Variants in EXOC2 observed in about 807,000 individuals in gnomAD.
The protein encoded by EXOC2 is SEC5-like 1.
EXOC2 carries 70 observed loss-of-function variants against 131.8 expected under a neutral mutation model. The observed-to-expected ratio is 0.53, with a 90% CI of 0.44 to 0.65. The LOEUF (loss-of-function observed/expected upper bound fraction) is 0.65, where lower values mean the gene tolerates loss of function less well. EXOC2 is among the 30% of genes least tolerant of loss of function. The pLI is 0.00. For synonymous variants in EXOC2, 411 were observed against 398.4 expected (o/e 1.03, Z -0.38); for missense variants, 923 against 1,108.6 (o/e 0.83, Z 2.38).
chr6:499,782 C>G, intron 23 of EXOC2, 82 bp from the exon 24 acceptor site: 1 of 1,114,300 alleles, frequency 9.0e-7, no homozygotes, highest in East Asian at 2.4e-5. Context: ...GTACCCCATG[C>G]TTTAGAGTTT....
intron 11 of EXOC2, among the ~76,000 whole-genome samples, chr6:592,265 G>A (rs995143728): frequency 2.6e-5 from 4 of 151,832 alleles, no homozygotes; most frequent in African/African-American, 9.7e-5. Context: ...TCCACCAATC[G>A]CAAAAACAGA....
intron 23 of EXOC2, among the ~76,000 whole-genome samples, chr6:512,111 T>C (rs1764881461): frequency 6.6e-6 from 1 of 152,272 alleles, no homozygotes; most frequent in Non-Finnish European, 1.5e-5. Context: ...GCCACTGCCC[T>C]TTTGTCAGCA....
At chr6:592,955 G>A (rs184147771) in intron 10 of EXOC2, among the ~76,000 whole-genome samples, 2,079 of 152,152 alleles carry the variant, frequency 0.014, 25 homozygotes, top group Non-Finnish European at 0.02. Context: ...GCTTGAACCC[G>A]AGAGGCAGAG....
At chr6:668,647 T>C (rs1221705934) in intron 1 of EXOC2, among the ~76,000 whole-genome samples, 1 of 152,202 alleles carries the variant, frequency 6.6e-6, no homozygotes, top group African/African-American at 2.4e-5. Flanking sequence ...ATCTCTACCA[T>C]TCAGCCAGTA....
chr6:603,617 T>C (rs1766837), intron 7 of EXOC2, among the ~76,000 whole-genome samples: 13,618 of 152,232 alleles, frequency 0.089, 1,041 homozygotes, highest in African/African-American at 0.21. Flanking sequence ...CTTCTTCTTT[T>C]TTTTTTTGAA....
chr6:679,138 T>C (rs1173268485), intron 1 of EXOC2: 1 of 152,056 alleles, frequency 6.6e-6, no homozygotes, highest in Non-Finnish European at 1.5e-5. Context: ...TAAAGAAATA[T>C]ACATCTTCTA....
chr6:611,584 C>G (rs1760718112), intron 6 of EXOC2, among the ~76,000 whole-genome samples: 1 of 152,234 alleles, frequency 6.6e-6, no homozygotes, highest in South Asian at 2.1e-4. Flanking sequence ...TCCACCACAG[C>G]AGAGCCACTG....
chr6:527,529 CACTT>C (rs1462443347), intron 23 of EXOC2, among the ~76,000 whole-genome samples: 6 of 152,262 alleles, frequency 3.9e-5, no homozygotes, highest in African/African-American at 1.4e-4. Context: ...CTGGACAACA[CACTT>C]ACAAGTTTCG....
At chr6:543,707 A>G (rs1326591309) in intron 22 of EXOC2, among the ~76,000 whole-genome samples, 1 of 152,232 alleles carries the variant, frequency 6.6e-6, no homozygotes, top group Non-Finnish European at 1.5e-5. Context: ...AAATGAATAA[A>G]TAAAACAGAA....
intron 1 of EXOC2, among the ~76,000 whole-genome samples, chr6:653,544 C>T (rs951623766): frequency 1.3e-5 from 2 of 152,216 alleles, no homozygotes; most frequent in African/African-American, 4.8e-5. Flanking sequence ...CTCTTCAATG[C>T]TATGAAGGCT....
At chr6:617,419 T>C (rs1761068590) in intron 6 of EXOC2, among the ~76,000 whole-genome samples, 1 of 152,258 alleles carries the variant, frequency 6.6e-6, no homozygotes, top group Non-Finnish European at 1.5e-5. Flanking sequence ...TTGGTGGTTG[T>C]GCATTGGGAT....
intron 1 of EXOC2, among the ~76,000 whole-genome samples, chr6:690,423 T>C (rs527811112): frequency 6.6e-6 from 1 of 152,238 alleles, no homozygotes; most frequent in African/African-American, 2.4e-5. Flanking sequence ...AGATTCATAA[T>C]TTCCCGGCCC....
At chr6:539,751 C>T (rs1014646299) in intron 22 of EXOC2, among the ~76,000 whole-genome samples, 4 of 152,132 alleles carry the variant, frequency 2.6e-5, no homozygotes, top group African/African-American at 9.7e-5. Context: ...TATTTTCATT[C>T]CAATTTGGCC....
intron 26 of EXOC2, 62 bp downstream of exon 26, chr6:491,063 T>TTGAC: frequency 1.3e-6 from 2 of 1,529,618 alleles, no homozygotes; most frequent in Admixed American, 3.3e-5. Context: ...GAGGACAGAA[T>TTGAC]TGACTAGTAA....
At position 657,239 on chromosome 6, in the gene EXOC2, C is replaced by A. The variant is rs185079870; in HGVS notation, c.-43-19378G>T. On this transcript the variant is annotated intron_variant, in intron 1 of 27. Transcript: ENST00000230449. ...AAGAGTAGGCATTCCACTGCTGAAACTTCTTAGTATTCTAAACACAATGAA... is the reference window on the plus strand; with the variant it reads ...AAGAGTAGGCATTCCACTGCTGAAAATTCTTAGTATTCTAAACACAATGAA... 6.8e-3 allele frequency: 2,048 copies of A among 302,208 alleles called. 17 individuals are homozygous for A. Among genetic ancestry groups the A allele is most frequent in the Middle Eastern group, 0.038 (44 of 1,156 alleles). 18.7% of individuals were successfully genotyped at this position (302,208 alleles called of 1,614,324 possible). A position where few individuals can be genotyped will look rare whatever the true frequency, so the allele number is the denominator to read the frequency against.
At chr6:623,257 G>A (rs1490181162) in intron 4 of EXOC2, among the ~76,000 whole-genome samples, 1 of 152,154 alleles carries the variant, frequency 6.6e-6, no homozygotes, top group Non-Finnish European at 1.5e-5. Flanking sequence ...TCTGAGATTC[G>A]AGCCCCACCC....
At chr6:565,015 T>C (rs1438656867) in intron 13 of EXOC2, 86 bp from the exon 14 acceptor site, 22 of 979,558 alleles carry the variant, frequency 2.2e-5, no homozygotes, top group Non-Finnish European at 3.1e-5. Flanking sequence ...CAAGAGAACA[T>C]TAAATATGGT....
chr6:592,411 A>G, intron 11 of EXOC2, 58 bp downstream of exon 11: 1 of 1,374,820 alleles, frequency 7.3e-7, no homozygotes, highest in Non-Finnish European at 1.0e-6. Flanking sequence ...AAACATTCCC[A>G]GAATGCATCA....
At chr6:588,488 G>A (rs1446047292) in intron 11 of EXOC2, among the ~76,000 whole-genome samples, 1 of 152,110 alleles carries the variant, frequency 6.6e-6, no homozygotes, top group African/African-American at 2.4e-5. Flanking sequence ...GAGTAGCTGG[G>A]CCTATACCTG....
Sources: gnomAD v4.1 joint callset for allele counts (sites outside exome capture counted in the v4.1 genomes callset) on GRCh38, gnomAD v4.1.1 for gene constraint, MANE v1.5 for transcripts, NCBI Gene and HGNC (gene_info 2026-07-23, HGNC 2026-07-21) for gene names.